The following ST7 variants were observed in gnomAD, a reference collection of about 807,000 sequenced individuals.
ST7 encodes the protein suppression of tumorigenicity 7.
ST7 carries 28 observed loss-of-function variants against 78.7 expected under a neutral mutation model. That is an observed-to-expected ratio of 0.36 (90% CI 0.26 to 0.49). ST7 has a LOEUF of 0.49. Ranked by LOEUF, ST7 falls within the 20% of genes least tolerant of loss-of-function variation. ST7 has a pLI of 0.99. For missense variants in ST7, 418 were observed against 696.0 expected (o/e 0.60, Z 4.49); for synonymous variants, 247 against 249.6 (o/e 0.99, Z 0.10).
At chr7:117,193,795 G>C (rs1435010922) in intron 12 of ST7, among the ~76,000 whole-genome samples, 2 of 152,176 alleles carry the variant, frequency 1.3e-5, no homozygotes, top group Non-Finnish European at 2.9e-5. Context: ...TCTACATGCT[G>C]TATTGCATAA....
chr7:116,963,950 A>G (rs28595493), intron 1 of ST7, among the ~76,000 whole-genome samples: 5,485 of 152,218 alleles, frequency 0.036, 340 homozygotes, highest in African/African-American at 0.12. Flanking sequence ...ACTGTGGTTA[A>G]GTATCAGTCT....
rs182607660 is a variant in ST7, at chr7:117,034,794, T to G, written c.152-64968T>G. Among the ~76,000 whole-genome samples, 949 of 152,334 alleles carry G rather than the reference T, an allele frequency of 6.2e-3. 33 individuals carry two copies. Among genetic ancestry groups the G allele is most frequent in the Admixed American group, 0.053 (806 of 15,302 alleles). ...CTCCATTTAGATGGATTAAGTGGAA[T>G]TTTCTTCGCTGAGGAATTTCATAAA... On this transcript the variant is annotated intron_variant, in intron 1 of 15. Coordinates refer to ENST00000323984, the MANE Select transcript of ST7 (RefSeq NM_001369598.1).
chr7:117,220,921 A>G (rs917529102), intron 14 of ST7, among the ~76,000 whole-genome samples: 1 of 152,086 alleles, frequency 6.6e-6, no homozygotes, highest in Non-Finnish European at 1.5e-5. Flanking sequence ...GACTCTGAGG[A>G]ATAGGAGCTG....
chr7:117,155,022 G>A (rs999799877), intron 9 of ST7, among the ~76,000 whole-genome samples: 3 of 152,156 alleles, frequency 2.0e-5, no homozygotes, highest in Non-Finnish European at 4.4e-5. Context: ...GGGGAGGGGA[G>A]ACATGAATGA....
chr7:117,031,074 A>G (rs1031961477), intron 1 of ST7, among the ~76,000 whole-genome samples: 4 of 152,150 alleles, frequency 2.6e-5, no homozygotes, highest in Non-Finnish European at 5.9e-5. Context: ...TCCTTAGCAA[A>G]CTAACACAGG....
intron 2 of ST7, among the ~76,000 whole-genome samples, chr7:117,107,603 CTTTTTTT>C (rs71528121): frequency 1.2e-4 from 9 of 73,578 alleles, no homozygotes; most frequent in South Asian, 4.6e-4. Context: ...TAGCCCACTT[CTTTTTTT>C]TTTTTTTTTT....
intron 12 of ST7, among the ~76,000 whole-genome samples, chr7:117,195,730 G>C (rs1037190003): frequency 6.6e-6 from 1 of 152,122 alleles, no homozygotes; most frequent in African/African-American, 2.4e-5. Context: ...CCATGATTCA[G>C]TTACCTCCCA....
At chr7:117,155,135 T>A (rs1270659577) in intron 9 of ST7, among the ~76,000 whole-genome samples, 1 of 151,980 alleles carries the variant, frequency 6.6e-6, no homozygotes. Flanking sequence ...AGGAAGGGCC[T>A]CTCTAAGAGG....
chr7:117,018,128 A>G (rs1441961635), intron 1 of ST7, among the ~76,000 whole-genome samples: 1 of 152,170 alleles, frequency 6.6e-6, no homozygotes, highest in Non-Finnish European at 1.5e-5. Context: ...CAGTTATTAC[A>G]TGTAGACCAT....
intron 1 of ST7, among the ~76,000 whole-genome samples, chr7:117,062,204 G>C (rs948353599): frequency 2.0e-5 from 3 of 152,108 alleles, no homozygotes; most frequent in Non-Finnish European, 2.9e-5. Flanking sequence ...TCCCTTGGGC[G>C]CTTCTCTCAT....
At chr7:117,060,984 C>T (rs764350663) in intron 1 of ST7, among the ~76,000 whole-genome samples, 13 of 152,002 alleles carry the variant, frequency 8.6e-5, no homozygotes, top group Admixed American at 3.3e-4. Flanking sequence ...CCAGCCTGGG[C>T]GGCAGAGTGA....
At chr7:117,171,021 A>G in intron 10 of ST7, 45 bp downstream of exon 10, 2 of 1,331,574 alleles carry the variant, frequency 1.5e-6, no homozygotes, top group Non-Finnish European at 2.1e-6. Flanking sequence ...TCCTCTTTTG[A>G]TGTATTTTCC....
intron 1 of ST7, among the ~76,000 whole-genome samples, chr7:117,085,738 G>T (rs1312301443): frequency 6.6e-6 from 1 of 152,012 alleles, no homozygotes; most frequent in African/African-American, 2.4e-5. Flanking sequence ...TTTTCCTCCC[G>T]ATTTTTATGT....
At chr7:117,202,376 A>C (rs1028091570) in intron 12 of ST7, among the ~76,000 whole-genome samples, 5 of 152,140 alleles carry the variant, frequency 3.3e-5, no homozygotes, top group Non-Finnish European at 5.9e-5. Flanking sequence ...CTGAAGACCC[A>C]GCTGCCTTCA....
At chr7:117,160,702 A>G (rs954212626) in intron 9 of ST7, among the ~76,000 whole-genome samples, 1 of 151,492 alleles carries the variant, frequency 6.6e-6, no homozygotes, top group African/African-American at 2.4e-5. Flanking sequence ...TATTTTGAAA[A>G]CAATGTGCCA....
chr7:117,138,618 G>A, intron 9 of ST7, 86 bp downstream of exon 9: 1 of 968,942 alleles, frequency 1.0e-6, no homozygotes, highest in Middle Eastern at 2.3e-4. Flanking sequence ...CAGTGATGGT[G>A]TGGTGGTCCC....
intron 10 of ST7, among the ~76,000 whole-genome samples, chr7:117,188,350 T>G (rs1316814999): frequency 6.6e-6 from 1 of 152,224 alleles, no homozygotes; most frequent in Non-Finnish European, 1.5e-5. Flanking sequence ...TAACCTAGAA[T>G]GAATTTTGCA....
At chr7:117,020,441 A>C in intron 1 of ST7, 1 of 708,908 alleles carries the variant, frequency 1.4e-6, no homozygotes, top group Non-Finnish European at 2.2e-6. Context: ...GTAACAGGAG[A>C]ATCTGGCAGC....
At chr7:117,106,277 C>T (rs1036702013) in intron 2 of ST7, among the ~76,000 whole-genome samples, 5 of 152,270 alleles carry the variant, frequency 3.3e-5, no homozygotes, top group African/African-American at 1.2e-4. Flanking sequence ...GGATTACAGG[C>T]GTGAGCCACC....
Sources: gnomAD v4.1 joint callset for allele counts (sites outside exome capture counted in the v4.1 genomes callset) on GRCh38, gnomAD v4.1.1 for gene constraint, MANE v1.5 for transcripts, NCBI Gene and HGNC (gene_info 2026-07-23, HGNC 2026-07-21) for gene names.